Variants in TMEM223 observed in about 807,000 individuals in gnomAD.
The protein encoded by TMEM223 is transmembrane protein 223.
Under a neutral mutation model 14.1 loss-of-function variants are expected in TMEM223, and 14 were observed. The observed-to-expected ratio is 0.99, with a 90% CI of 0.66 to 1.55. The LOEUF (loss-of-function observed/expected upper bound fraction) is 1.55, where lower values mean the gene tolerates loss of function less well. Among genes scored for constraint, TMEM223 ranks in the 40% most tolerant of loss-of-function variants. The probability of loss-of-function intolerance (pLI) is 0.00; values close to 1 mark genes in which losing one functional copy is unlikely to be tolerated. For synonymous variants in TMEM223, 145 were observed against 120.5 expected (o/e 1.20, Z -1.33); for missense variants, 346 against 269.9 (o/e 1.28, Z -1.97).
intron 2 of TMEM223, among the ~76,000 whole-genome samples, chr11:62,772,797 A>G (rs2084158309): frequency 6.8e-6 from 1 of 146,020 alleles, no homozygotes; most frequent in Admixed American, 6.7e-5. Context: ...GACATCAGAC[A>G]TCATCTCCAA....
chr11:62,787,378 G>C, downstream of TMEM223: 3 of 1,551,028 alleles, frequency 1.9e-6, no homozygotes, highest in Non-Finnish European at 1.7e-6. Context: ...GCCGGATAAG[G>C]TGGGCTTTGG....
chr11:62,787,881 G>A, downstream of TMEM223: 1 of 565,694 alleles, frequency 1.8e-6, no homozygotes, highest in Non-Finnish European at 3.4e-6. Context: ...CATTTGTGCT[G>A]AGCTTTGTCG....
chr11:62,773,768 T>C (rs1049112627), intron 2 of TMEM223, among the ~76,000 whole-genome samples: 4 of 152,074 alleles, frequency 2.6e-5, no homozygotes, highest in Non-Finnish European at 5.9e-5. Context: ...ACGACTGGTT[T>C]GGAGGCAGAA....
intron 1 of TMEM223, chr11:62,777,904 G>A: frequency 3.2e-6 from 5 of 1,551,394 alleles, no homozygotes; most frequent in Non-Finnish European, 4.4e-6. Flanking sequence ...TCTGGTCAGT[G>A]GAGCCTCATC....
chr11:62,781,418 A>G (rs1350420520), intron 1 of TMEM223, among the ~76,000 whole-genome samples: 1 of 152,106 alleles, frequency 6.6e-6, no homozygotes, highest in East Asian at 1.9e-4. Flanking sequence ...TCACGCCTGT[A>G]ATCCCAGCAC....
At chr11:62,786,802 G>A (rs2084282592), downstream of TMEM223, 4 of 1,609,368 alleles carry the variant, frequency 2.5e-6, no homozygotes, top group African/African-American at 1.3e-5. Context: ...CTTTGGCACC[G>A]GCCAGCCTGC....
downstream of TMEM223, chr11:62,786,136 G>A: frequency 8.1e-7 from 1 of 1,229,902 alleles, no homozygotes; most frequent in Non-Finnish European, 1.1e-6. Context: ...TGCCAATCAG[G>A]GAATTTAGGA....
chr11:62,791,448 AG>A (rs1254206071), intron 1 of TMEM223, among the ~76,000 whole-genome samples: 1 of 151,782 alleles, frequency 6.6e-6, no homozygotes, highest in Non-Finnish European at 1.5e-5. Context: ...TAGTAGACAC[AG>A]GGTTTGACGG....
chr11:62,785,661 A>G (rs995311416), downstream of TMEM223, among the ~76,000 whole-genome samples: 1 of 151,714 alleles, frequency 6.6e-6, no homozygotes, highest in African/African-American at 2.4e-5. Context: ...CAGCCTCCCA[A>G]GTAGTTGAGA....
downstream of TMEM223, among the ~76,000 whole-genome samples, chr11:62,788,730 A>G (rs2084321461): frequency 6.6e-6 from 1 of 151,694 alleles, no homozygotes; most frequent in Non-Finnish European, 1.5e-5. Context: ...AGGATATACA[A>G]GGCCTGGGTT....
At chr11:62,789,352 G>A, downstream of TMEM223, 2 of 1,613,924 alleles carry the variant, frequency 1.2e-6, no homozygotes, top group Non-Finnish European at 1.7e-6. Context: ...TCCTGGTCTT[G>A]GTGTCTGCCT....
downstream of TMEM223, among the ~76,000 whole-genome samples, chr11:62,783,999 C>T (rs1413487045): frequency 7.7e-4 from 1 of 1,296 alleles, no homozygotes; most frequent in African/African-American, 3.3e-3. Context: ...CACTACACTC[C>T]AGCCCGGGCG....
intron 1 of TMEM223, among the ~76,000 whole-genome samples, chr11:62,779,952 C>CCATA (rs1332185092): frequency 1.0e-5 from 1 of 100,056 alleles, no homozygotes; most frequent in African/African-American, 4.5e-5. Context: ...AGGCGTGAGC[C>CCATA]TATATATATA....
downstream of TMEM223, chr11:62,786,978 C>T (rs971253299): frequency 3.2e-5 from 46 of 1,447,966 alleles, no homozygotes; most frequent in Admixed American, 8.3e-4. Context: ...CTGGGCCCGC[C>T]GCCTCTGAGA....
intron 1 of TMEM223, among the ~76,000 whole-genome samples, chr11:62,781,239 GA>G (rs572508048): frequency 0.03 from 3,135 of 105,348 alleles, 49 homozygotes; most frequent in Middle Eastern, 0.065. Flanking sequence ...CCATCTCAAA[GA>G]AAAAAAAAAA....
Position 62,790,155 on chromosome 11 carries a change from G to C in TMEM223, c.*468C>G. ...GGGAGTCTTAGTTTTCCTTTCGTTG[G>C]GGGGTGGGGGGGAAACATAATGACA... On this transcript the variant is annotated 3_prime_UTR_variant, in exon 2 of 2. Transcript: ENST00000307366. The C allele has an allele frequency of 1.6e-6, 2 of 1,283,740 alleles. No homozygotes were observed. Among genetic ancestry groups the C allele is most frequent in the African/African-American group, 1.5e-5 (1 of 66,526 alleles). 79.5% of individuals were successfully genotyped at this position (1,283,740 alleles called of 1,614,324 possible).
At chr11:62,784,919 AG>A (rs2084258998), downstream of TMEM223, among the ~76,000 whole-genome samples, 1 of 152,228 alleles carries the variant, frequency 6.6e-6, no homozygotes, top group Non-Finnish European at 1.5e-5. Flanking sequence ...GTCTGGTTTT[AG>A]AATCAGGGTT....
downstream of TMEM223, among the ~76,000 whole-genome samples, chr11:62,783,429 C>T (rs918804684): frequency 4.0e-5 from 6 of 151,488 alleles, no homozygotes; most frequent in South Asian, 1.2e-3. Context: ...TTGCAGTGAG[C>T]CGAGATTGCG....
At chr11:62,778,239 A>G in intron 1 of TMEM223, 1 of 1,614,008 alleles carries the variant, frequency 6.2e-7, no homozygotes, top group Non-Finnish European at 8.5e-7. Flanking sequence ...GCGGTACTCT[A>G]AGGGGCAAAA....
Sources: gnomAD v4.1 joint callset for allele counts (sites outside exome capture counted in the v4.1 genomes callset) on GRCh38, gnomAD v4.1.1 for gene constraint, MANE v1.5 for transcripts, NCBI Gene and HGNC (gene_info 2026-07-23, HGNC 2026-07-21) for gene names.